Variants in NCKAP5 observed in about 807,000 individuals in gnomAD.
NCKAP5 encodes nck-associated protein 5.
Under a neutral mutation model 167.0 loss-of-function variants are expected in NCKAP5, and 92 were observed. That is an observed-to-expected ratio of 0.55 (90% CI 0.47 to 0.66). The LOEUF (loss-of-function observed/expected upper bound fraction) is 0.66, where lower values mean the gene tolerates loss of function less well. Among genes scored for constraint, NCKAP5 ranks in the 30% least tolerant of loss-of-function variants. The pLI, the probability that NCKAP5 is intolerant of heterozygous loss-of-function variation, is 0.00. For missense variants in NCKAP5, 2,378 were observed against 2,315.0 expected (o/e 1.03, Z -0.56); for synonymous variants, 891 against 877.4 (o/e 1.02, Z -0.27).
At chr2:133,464,576 G>C (rs1190291951) in intron 3 of NCKAP5, among the ~76,000 whole-genome samples, 3 of 152,160 alleles carry the variant, frequency 2.0e-5, no homozygotes, top group Admixed American at 2.0e-4. Context: ...TGTAGTCCCA[G>C]CTACTCAGGA....
At chr2:133,588,513 C>T in the NCKAP5 span, among the ~76,000 whole-genome samples, 1 of 151,064 alleles carries the variant, frequency 6.6e-6, no homozygotes, top group Admixed American at 6.6e-5. Flanking sequence ...CTTCCCTCCT[C>T]CCTGCCTCAT....
intron 5 of NCKAP5, among the ~76,000 whole-genome samples, chr2:133,210,897 T>C (rs1475891107): frequency 1.3e-5 from 2 of 152,108 alleles, no homozygotes. Context: ...ACTTAATACT[T>C]AGGCCTTGTT....
At chr2:132,745,330 A>G (rs775819191) in intron 16 of NCKAP5, among the ~76,000 whole-genome samples, 2 of 151,834 alleles carry the variant, frequency 1.3e-5, no homozygotes, top group Non-Finnish European at 3.0e-5. Flanking sequence ...AAGAAAAACC[A>G]TATGATTATC....
intron 7 of NCKAP5, among the ~76,000 whole-genome samples, chr2:132,975,020 T>C (rs546512986): frequency 2.0e-5 from 3 of 152,326 alleles, no homozygotes; most frequent in African/African-American, 7.2e-5. Flanking sequence ...GTGCAAAATA[T>C]ATTGTCACTT....
At chr2:133,188,891 A>G (rs909079451) in intron 5 of NCKAP5, among the ~76,000 whole-genome samples, 18 of 152,330 alleles carry the variant, frequency 1.2e-4, no homozygotes, top group African/African-American at 4.3e-4. Context: ...AAGCAAGAGC[A>G]AACACATTCA....
In NCKAP5 at chr2:132,783,454, T is replaced by C. The variant is rs761422354; in HGVS notation, c.3357A>G (p.Ser1119=). Residue 1119 remains serine, a synonymous_variant, in exon 14 of 20, where the codon TCA becomes TCG. Transcript: ENST00000409261. ...ESPSSQVSSS[S]SSSSPAKSHN... ...GGCTTTTGGCGGGTGATGAGGATGATGAGGAACTGCTGACCTGAGATGATG... is the reference window on the plus strand; with the variant it reads ...GGCTTTTGGCGGGTGATGAGGATGACGAGGAACTGCTGACCTGAGATGATG... 12 of 1,588,480 alleles carry C rather than the reference T, an allele frequency of 7.6e-6. No homozygotes were observed. In the Middle Eastern group the frequency reaches 5.1e-4, roughly 67 times the overall value.
chr2:132,929,939 C>A (rs926813527), intron 8 of NCKAP5: 4 of 152,164 alleles, frequency 2.6e-5, no homozygotes, highest in African/African-American at 9.7e-5. Flanking sequence ...AAAACAGCAG[C>A]TGTTGTGTAG....
chr2:133,186,942 A>T (rs1038546038), intron 5 of NCKAP5, among the ~76,000 whole-genome samples: 1 of 151,302 alleles, frequency 6.6e-6, no homozygotes. Flanking sequence ...TTTTTTTTGC[A>T]TCTTAATTTC....
chr2:132,834,570 C>T (rs1462349128), intron 11 of NCKAP5, among the ~76,000 whole-genome samples: 1 of 152,180 alleles, frequency 6.6e-6, no homozygotes, highest in Non-Finnish European at 1.5e-5. Flanking sequence ...TGGTCTTGAT[C>T]TCCTGACCTT....
intron 6 of NCKAP5, among the ~76,000 whole-genome samples, chr2:133,002,944 G>C (rs548564858): frequency 1.3e-5 from 2 of 152,322 alleles, no homozygotes; most frequent in African/African-American, 4.8e-5. Flanking sequence ...AGAAATGCCA[G>C]CAAGACTGAA....
intron 6 of NCKAP5, among the ~76,000 whole-genome samples, chr2:132,996,793 T>C (rs1381843828): frequency 6.6e-6 from 1 of 152,232 alleles, no homozygotes; most frequent in African/African-American, 2.4e-5. Flanking sequence ...AAGTAGTTAC[T>C]CTATGCCAGA....
At chr2:132,909,634 G>T (rs556856933) in intron 8 of NCKAP5, among the ~76,000 whole-genome samples, 1 of 152,274 alleles carries the variant, frequency 6.6e-6, no homozygotes, top group South Asian at 2.1e-4. Context: ...AACTGCTTGT[G>T]TTCTAACTCC....
Position 132,757,882 on chromosome 2 carries a change from G to A in NCKAP5, c.5128+15934C>T, listed in dbSNP as rs1680680043. Among the ~76,000 whole-genome samples the A allele has an allele frequency of 3.3e-5, 5 of 152,304 alleles. No homozygotes were observed. The South Asian group carries it at 1.0e-3, about 32-fold the overall frequency. ...CAGAATAGACTTGCTTGCTGGATGA[G>A]TGACCTTTTGACATCATAGCTGGAA... On this transcript the variant is annotated intron_variant, in intron 16 of 19. Coordinates refer to ENST00000409261, the MANE Select transcript of NCKAP5 (RefSeq NM_207363.3).
At chr2:132,994,289 A>G in intron 6 of NCKAP5, 50 bp from the exon 7 acceptor site, 1 of 1,322,874 alleles carries the variant, frequency 7.6e-7, no homozygotes, top group Non-Finnish European at 1.0e-6. Flanking sequence ...TCTAATTAAC[A>G]CGGATCCACT....
intron 5 of NCKAP5, among the ~76,000 whole-genome samples, chr2:133,198,852 C>CT (rs1311544416): frequency 6.6e-6 from 1 of 152,074 alleles, no homozygotes; most frequent in South Asian, 2.1e-4. Flanking sequence ...GAACAAAGTT[C>CT]TTTTTTTAAA....
chr2:133,052,773 AT>A (rs1438278026), intron 6 of NCKAP5, among the ~76,000 whole-genome samples: 1 of 152,008 alleles, frequency 6.6e-6, no homozygotes, highest in African/African-American at 2.4e-5. Context: ...TAATCTCAGT[AT>A]GAAAAAGGTC....
chr2:133,513,826 AG>A (rs146214530), intron 3 of NCKAP5, among the ~76,000 whole-genome samples: 11,152 of 152,264 alleles, frequency 0.073, 620 homozygotes, highest in East Asian at 0.29. Context: ...TGTGCTTAAA[AG>A]CTAAATGTAT....
chr2:133,250,145 A>G (rs1236497866), intron 4 of NCKAP5, among the ~76,000 whole-genome samples: 6 of 151,958 alleles, frequency 3.9e-5, no homozygotes, highest in African/African-American at 1.4e-4. Flanking sequence ...AGGAGAAACA[A>G]TGGGTCCAAG....
At chr2:133,370,871 T>C (rs1685764875) in intron 3 of NCKAP5, among the ~76,000 whole-genome samples, 1 of 152,120 alleles carries the variant, frequency 6.6e-6, no homozygotes, top group Non-Finnish European at 1.5e-5. Context: ...TTAGAAGTTA[T>C]GGGATATGAC....
Sources: gnomAD v4.1 joint callset for allele counts (sites outside exome capture counted in the v4.1 genomes callset) on GRCh38, gnomAD v4.1.1 for gene constraint, MANE v1.5 for transcripts, NCBI Gene and HGNC (gene_info 2026-07-23, HGNC 2026-07-21) for gene names.